Variants in SOS2 observed in about 807,000 individuals in gnomAD.
SOS2 encodes the protein son of sevenless homolog 2.
A neutral mutation model predicts 148.2 loss-of-function variants in SOS2; 65 were observed. The ratio of observed to expected loss-of-function variants is 0.44; its 90% CI spans 0.36 to 0.54. The LOEUF (loss-of-function observed/expected upper bound fraction) is 0.54. SOS2 is among the 20% of genes least tolerant of loss of function. The pLI is 0.00. For missense variants in SOS2, 1,341 were observed against 1,590.2 expected (o/e 0.84, Z 2.67); for synonymous variants, 539 against 537.1 (o/e 1.00, Z -0.05).
chr14:50,134,132 TG>T lies in SOS2; in HGVS notation c.3065del (p.Pro1022HisfsTer12). 1 of 1,509,668 alleles carries T rather than the reference TG, an allele frequency of 6.6e-7. No homozygotes were observed. Among genetic ancestry groups the T allele is most frequent in the Non-Finnish European group, 9.2e-7 (1 of 1,088,580 alleles). 93.5% of individuals were successfully genotyped at this position (1,509,668 alleles called of 1,614,324 possible). On this transcript the variant is annotated frameshift_variant, in exon 19 of 23. Coordinates refer to ENST00000216373, the MANE Select transcript of SOS2 (RefSeq NM_006939.4). LOFTEE classifies it high-confidence loss of function. The part of the protein sequence containing the change: ...LEIEPRNCKQ[P>X]PRFPRKSTFS... Reference sequence around the variant, plus strand: ...ATTATAAAAGACTTACAAATCGAGGTGGCTGTTTGCAGTTTCGAGGTTCAAT... The same window carrying T: ...ATTATAAAAGACTTACAAATCGAGGTGCTGTTTGCAGTTTCGAGGTTCAAT...
At chr14:50,144,679 C>T (rs1007360864) in intron 16 of SOS2, among the ~76,000 whole-genome samples, 56 of 152,068 alleles carry the variant, frequency 3.7e-4, no homozygotes, top group Middle Eastern at 6.8e-3. Flanking sequence ...CTCAGGTGAT[C>T]GACCCGCCTC....
intron 1 of SOS2, among the ~76,000 whole-genome samples, chr14:50,209,058 C>A (rs990236387): frequency 6.6e-6 from 1 of 152,162 alleles, no homozygotes; most frequent in Non-Finnish European, 1.5e-5. Flanking sequence ...AGAAAGAATT[C>A]TTTCTCTCTG....
intron 12 of SOS2, among the ~76,000 whole-genome samples, chr14:50,153,779 AT>A (rs1884734152): frequency 6.6e-6 from 1 of 152,104 alleles, no homozygotes; most frequent in Non-Finnish European, 1.5e-5. Flanking sequence ...TGCTGGGCTA[AT>A]TTTTGTACTT....
chr14:50,161,789 C>CTTTTTT (rs36219580), intron 8 of SOS2, among the ~76,000 whole-genome samples, 180 bp from the exon 9 acceptor site: 1 of 135,312 alleles, frequency 7.4e-6, no homozygotes, highest in Non-Finnish European at 1.6e-5. Flanking sequence ...CTTTTTCTTT[C>CTTTTTT]TTTTTTTTTT....
chr14:50,161,571 T>C lies in SOS2; in HGVS notation c.1107A>G (p.Glu369=). The part of the protein sequence containing the change: ...KACSEEQEDR[E]CLNQAITALM... ...GAGCAGTAATAGCTTGGTTCAAACA[T>C]TCTCTGTCTTCTTGTTCTTCACTAC... The change falls in exon 9 of 23, where the codon GAA becomes GAG. Residue 369 remains glutamate, a synonymous_variant. Coordinates refer to ENST00000216373, the MANE Select transcript of SOS2 (RefSeq NM_006939.4). 1 of 1,612,966 alleles carries C rather than the reference T, an allele frequency of 6.2e-7. No individual in the cohort carries two copies. Among genetic ancestry groups the C allele is most frequent in the South Asian group, 1.1e-5 (1 of 91,030 alleles).
At chr14:50,168,511 T>C (rs1269537254) in intron 8 of SOS2, among the ~76,000 whole-genome samples, 3 of 152,246 alleles carry the variant, frequency 2.0e-5, no homozygotes, top group South Asian at 2.1e-4. Context: ...CATGAGCCAC[T>C]GTGCCTCGCC....
At chr14:50,211,582 G>A (rs1886872708) in intron 1 of SOS2, among the ~76,000 whole-genome samples, 1 of 147,812 alleles carries the variant, frequency 6.8e-6, no homozygotes, top group Non-Finnish European at 1.5e-5. Flanking sequence ...AATTCACTCA[G>A]GAGGGAAAAT....
intron 5 of SOS2, among the ~76,000 whole-genome samples, chr14:50,185,813 A>T (rs1310850532): frequency 6.6e-6 from 1 of 152,176 alleles, no homozygotes; most frequent in Non-Finnish European, 1.5e-5. Context: ...TATTGGGCAC[A>T]TTATATTCTA....
At chr14:50,175,700 A>T (rs1055756988) in intron 7 of SOS2, among the ~76,000 whole-genome samples, 8 of 152,114 alleles carry the variant, frequency 5.3e-5, no homozygotes, top group African/African-American at 1.7e-4. Context: ...GGTTTTCTAA[A>T]ATTTATAATG....
chr14:50,157,184 C>A, intron 11 of SOS2, 63 bp from the exon 12 acceptor site: 1 of 1,554,120 alleles, frequency 6.4e-7, no homozygotes, highest in Non-Finnish European at 8.7e-7. Flanking sequence ...AGGAGGAAAA[C>A]AGCAAGCAAC....
chr14:50,161,629 A>AAAATC lies in SOS2; in HGVS notation c.1069-25_1069-21dup. The AAAATC allele has an allele frequency of 6.2e-7, 1 of 1,607,454 alleles. No homozygotes were observed. Among genetic ancestry groups the AAAATC allele is most frequent in the Non-Finnish European group, 8.5e-7 (1 of 1,177,604 alleles). ...CAATTGCTAAGAAAAAACAGAAAGAAAAATCAAAACTGCATTGTTTGATTC... is the reference window on the plus strand; with the variant it reads ...CAATTGCTAAGAAAAAACAGAAAGAAAAATCAAATCAAAACTGCATTGTTTGATTC... On this transcript the variant is annotated intron_variant, in intron 8 of 22. Coordinates refer to ENST00000216373, the MANE Select transcript of SOS2 (RefSeq NM_006939.4).
chr14:50,197,853 T>C (rs1337729108), intron 4 of SOS2, among the ~76,000 whole-genome samples: 2 of 151,984 alleles, frequency 1.3e-5, no homozygotes, highest in Non-Finnish European at 2.9e-5. Context: ...CATGCCCAGC[T>C]ACTTTTTTTG....
intron 1 of SOS2, chr14:50,215,599 A>G (rs1214944116): frequency 4.8e-6 from 2 of 415,590 alleles, no homozygotes; most frequent in African/African-American, 2.2e-5. Context: ...AATTGCCAGA[A>G]GGCATTTCCT....
chr14:50,158,220 T>C (rs1164017213), intron 11 of SOS2, among the ~76,000 whole-genome samples: 1 of 152,016 alleles, frequency 6.6e-6, no homozygotes, highest in African/African-American at 2.4e-5. Flanking sequence ...TTTGGCAAAG[T>C]AGTCTACGGT....
intron 2 of SOS2, among the ~76,000 whole-genome samples, chr14:50,203,055 A>G (rs1436423185): frequency 2.0e-5 from 3 of 152,140 alleles, no homozygotes; most frequent in African/African-American, 7.2e-5. Flanking sequence ...GCTACTCGGG[A>G]GGCTGAGGCT....
chr14:50,224,354 CACACACACACAT>C (rs1327130876), intron 1 of SOS2, among the ~76,000 whole-genome samples: 106 of 134,898 alleles, frequency 7.9e-4, no homozygotes, highest in East Asian at 6.9e-4. Flanking sequence ...CACACACACA[CACACACACACAT>C]ATATATAAAT....
rs111839024 is a variant in SOS2, at chr14:50,138,071, C to T, written c.2958+541G>A. On this transcript the variant is annotated intron_variant, in intron 18 of 22. Coordinates refer to ENST00000216373, the MANE Select transcript of SOS2 (RefSeq NM_006939.4). Reference sequence around the variant, plus strand: ...GGTCAGGCTGGTCTCAAATTCTTGACCTCAAGTGGTCCTCCCGCCTCAGCC... The same window carrying T: ...GGTCAGGCTGGTCTCAAATTCTTGATCTCAAGTGGTCCTCCCGCCTCAGCC... 8.9e-3 allele frequency among the ~76,000 whole-genome samples: 1,347 copies of T among 151,732 alleles called. 18 individuals are homozygous for T. Among genetic ancestry groups the T allele is most frequent in the African/African-American group, 0.031 (1,285 of 41,336 alleles).
At chr14:50,193,054 A>G (rs2139754470) in intron 4 of SOS2, among the ~76,000 whole-genome samples, 1 of 152,018 alleles carries the variant, frequency 6.6e-6, no homozygotes, top group East Asian at 1.9e-4. Flanking sequence ...AGCTCACTAT[A>G]GCCTCAATGT....
At chr14:50,199,652 T>G in intron 4 of SOS2, 39 bp downstream of exon 4, 1 of 1,238,564 alleles carries the variant, frequency 8.1e-7, no homozygotes, top group South Asian at 1.5e-5. Context: ...TTAGTATAGT[T>G]GCTATTCAAG....
Sources: gnomAD v4.1 joint callset for allele counts (sites outside exome capture counted in the v4.1 genomes callset) on GRCh38, gnomAD v4.1.1 for gene constraint, MANE v1.5 for transcripts, NCBI Gene and HGNC (gene_info 2026-07-23, HGNC 2026-07-21) for gene names.